RBFOX1: variants seen among roughly 807,000 people sequenced by gnomAD.
RBFOX1 encodes the protein RNA binding fox-1 homolog 1, also known as RNA binding protein fox-1 homolog 1.
Under a neutral mutation model 57.7 loss-of-function variants are expected in RBFOX1, and 8 were observed. The ratio of observed to expected loss-of-function variants is 0.14; its 90% confidence interval spans 0.08 to 0.25. The LOEUF (loss-of-function observed/expected upper bound fraction) is 0.25. RBFOX1 is among the 10% of genes least tolerant of loss of function. RBFOX1 has a pLI of 1.00. For synonymous variants in RBFOX1, 326 were observed against 222.4 expected, an observed-to-expected ratio of 1.47 and a Z score of -4.15; for missense variants, 611 against 548.5, an observed-to-expected ratio of 1.11 and a Z score of -1.14.
At chr16:7,691,591 C>G (rs941020239) in intron 14 of RBFOX1, among the ~76,000 whole-genome samples, 6 of 152,058 alleles carry the variant, frequency 3.9e-5, no homozygotes, top group Non-Finnish European at 8.8e-5. Flanking sequence ...TTTTTAAAAA[C>G]AAGCCTAGTT....
chr16:6,926,917 G>A (rs1281198909), intron 3 of RBFOX1, among the ~76,000 whole-genome samples: 1 of 152,066 alleles, frequency 6.6e-6, no homozygotes, highest in African/African-American at 2.4e-5. Flanking sequence ...TCAGGGCCTG[G>A]GTTTTGTTGT....
At chr16:6,780,225 A>G (rs1381877160) in intron 3 of RBFOX1, among the ~76,000 whole-genome samples, 1 of 78,284 alleles carries the variant, frequency 1.3e-5, no homozygotes, top group Non-Finnish European at 2.1e-5. Context: ...ATATTTATAT[A>G]TATATTTATA....
chr16:6,756,507 C>T (rs982333181), intron 3 of RBFOX1, among the ~76,000 whole-genome samples: 1 of 152,026 alleles, frequency 6.6e-6, no homozygotes, highest in East Asian at 1.9e-4. Flanking sequence ...ACAAAGGAAA[C>T]AATGAATGCA....
chr16:6,319,186 A>C (rs1278911811), intron 2 of RBFOX1, among the ~76,000 whole-genome samples: 2 of 152,142 alleles, frequency 1.3e-5, no homozygotes, highest in African/African-American at 4.8e-5. Flanking sequence ...CATGGCTGAC[A>C]CTGGGCCTGG....
chr16:6,677,530 G>C (rs557979384), intron 3 of RBFOX1, among the ~76,000 whole-genome samples: 23 of 152,240 alleles, frequency 1.5e-4, no homozygotes, highest in Non-Finnish European at 3.1e-4. Context: ...AAAAACATCA[G>C]GGAGCTAGGA....
chr16:7,669,846 A>C (rs2070780895), intron 13 of RBFOX1, among the ~76,000 whole-genome samples: 1 of 152,140 alleles, frequency 6.6e-6, no homozygotes, highest in Non-Finnish European at 1.5e-5. Context: ...GAGGTGGCTG[A>C]GGATTGGCAT....
chr16:6,203,675 A>G (rs2097232184), intron 1 of RBFOX1, among the ~76,000 whole-genome samples: 1 of 152,208 alleles, frequency 6.6e-6, no homozygotes, highest in Non-Finnish European at 1.5e-5. Flanking sequence ...AGAAACAAAC[A>G]AACCCCCCAA....
intron 2 of RBFOX1, among the ~76,000 whole-genome samples, chr16:6,559,840 G>A (rs1437573063): frequency 6.6e-6 from 1 of 152,052 alleles, no homozygotes; most frequent in Non-Finnish European, 1.5e-5. Context: ...GTTCCCTGAA[G>A]CTCCCTTATC....
chr16:6,593,905 G>A (rs184446164), intron 2 of RBFOX1, among the ~76,000 whole-genome samples: 2 of 152,176 alleles, frequency 1.3e-5, no homozygotes, highest in Non-Finnish European at 2.9e-5. Context: ...TCATTGCCTA[G>A]CGATTTACTG....
At chr16:6,311,171 C>T (rs2080246353) in intron 1 of RBFOX1, among the ~76,000 whole-genome samples, 1 of 151,562 alleles carries the variant, frequency 6.6e-6, no homozygotes, top group South Asian at 2.1e-4. Context: ...TGGTGGGCAC[C>T]TGTAATCCCA....
At chr16:5,966,930 T>C (rs2059855293) in intron 4 of RBFOX1, among the ~76,000 whole-genome samples, 1 of 146,158 alleles carries the variant, frequency 6.8e-6, no homozygotes, top group Admixed American at 7.0e-5. Flanking sequence ...ACTGAAGATT[T>C]ATTTTCTCCA....
rs1452919254 is a variant in RBFOX1 at position 7,617,373 on chromosome 16, G to GT, written c.676+10043dup. Among the ~76,000 whole-genome samples the GT allele has an allele frequency of 1.7e-4, 26 of 151,770 alleles. No homozygotes were observed. The East Asian group carries it at 3.5e-3, about 20-fold the overall frequency. ...AATTTTCATGTGTCACAAAATAGTT[G>GT]TTTTTTTTCAAACATCCAAAAACGT... On this transcript the variant is annotated intron_variant, in intron 10 of 15. Transcript: ENST00000550418.
At chr16:7,638,020 G>A (rs1025355493) in intron 11 of RBFOX1, among the ~76,000 whole-genome samples, 3 of 152,110 alleles carry the variant, frequency 2.0e-5, no homozygotes, top group Non-Finnish European at 4.4e-5. Context: ...TCTGCTCATC[G>A]TGGATTTAAA....
At chr16:7,189,260 C>T (rs967448844) in intron 4 of RBFOX1, among the ~76,000 whole-genome samples, 5 of 151,724 alleles carry the variant, frequency 3.3e-5, no homozygotes, top group African/African-American at 1.2e-4. Context: ...CCCATCTCTA[C>T]TAAAAATACA....
At chr16:6,886,551 G>C (rs1319477968) in intron 3 of RBFOX1, among the ~76,000 whole-genome samples, 2 of 151,918 alleles carry the variant, frequency 1.3e-5, no homozygotes, top group Non-Finnish European at 2.9e-5. Context: ...TCAGGAGTTT[G>C]AGACTAGCCT....
chr16:6,045,762 G>A (rs531556426), intron 1 of RBFOX1, among the ~76,000 whole-genome samples: 1 of 152,206 alleles, frequency 6.6e-6, no homozygotes, highest in Non-Finnish European at 1.5e-5. Flanking sequence ...TAGGTGGAAG[G>A]TGTGGCTACA....
chr16:6,756,038 C>T (rs1487540759), intron 3 of RBFOX1, among the ~76,000 whole-genome samples: 2 of 152,280 alleles, frequency 1.3e-5, no homozygotes, highest in South Asian at 2.1e-4. Flanking sequence ...TGACAGTACA[C>T]AATGAGGTGC....
chr16:7,084,303 A>G (rs1294792138), intron 4 of RBFOX1, among the ~76,000 whole-genome samples: 4 of 152,058 alleles, frequency 2.6e-5, no homozygotes, highest in Non-Finnish European at 5.9e-5. Context: ...ATACATATAT[A>G]CACACACACT....
chr16:6,367,674 C>A (rs889726589), intron 2 of RBFOX1, among the ~76,000 whole-genome samples: 1 of 150,726 alleles, frequency 6.6e-6, no homozygotes, highest in Non-Finnish European at 1.5e-5. Context: ...GGGTGTTTTG[C>A]TTTCATAGGA....
Sources: allele counts gnomAD v4.1 joint callset (sites outside exome capture counted in the v4.1 genomes callset), GRCh38; gene constraint gnomAD v4.1.1; transcripts MANE v1.5; gene names NCBI Gene and HGNC (gene_info 2026-07-23, HGNC 2026-07-21).